The following PAPPA2 variants were observed in gnomAD, a reference collection of about 807,000 sequenced individuals.
PAPPA2 encodes pappalysin 2.
PAPPA2 carries 86 observed loss-of-function variants against 176.4 expected under a neutral mutation model. The observed-to-expected ratio is 0.49, with a 90% CI of 0.41 to 0.58. PAPPA2 has a LOEUF of 0.58. PAPPA2 is among the 20% of genes least tolerant of loss of function. PAPPA2 has a pLI of 0.00. For missense variants in PAPPA2, 2,073 were observed against 2,256.9 expected (o/e 0.92, Z 1.65); for synonymous variants, 809 against 852.2 (o/e 0.95, Z 0.88).
chr1:176,528,905 G>A (rs1016862365), intron 1 of PAPPA2, among the ~76,000 whole-genome samples: 8 of 152,162 alleles, frequency 5.3e-5, no homozygotes, highest in Non-Finnish European at 8.8e-5. Flanking sequence ...TCAAATCCTC[G>A]TGAAGCCTTC....
At chr1:176,824,861 A>G (rs965973230) in intron 21 of PAPPA2, among the ~76,000 whole-genome samples, 1 of 152,170 alleles carries the variant, frequency 6.6e-6, no homozygotes, top group African/African-American at 2.4e-5. Context: ...AAACTTGGTG[A>G]TGCATGTCTG....
intron 4 of PAPPA2, among the ~76,000 whole-genome samples, chr1:176,689,082 C>A (rs1659978060): frequency 6.6e-6 from 1 of 152,120 alleles, no homozygotes; most frequent in African/African-American, 2.4e-5. Flanking sequence ...CCAGGGGTGA[C>A]CTTGGACCCC....
At chr1:176,545,165 G>A (rs1650565893) in intron 1 of PAPPA2, among the ~76,000 whole-genome samples, 1 of 152,092 alleles carries the variant, frequency 6.6e-6, no homozygotes, top group Non-Finnish European at 1.5e-5. Flanking sequence ...CATATGGCTG[G>A]TTTCCCTTAT....
chr1:176,470,951 G>T (rs942983401), intron 1 of PAPPA2, among the ~76,000 whole-genome samples: 4 of 152,178 alleles, frequency 2.6e-5, no homozygotes, highest in Middle Eastern at 3.4e-3. Flanking sequence ...GGCTTCTCGG[G>T]TCAAATAGCA....
At chr1:176,541,635 A>AT (rs1252234422) in intron 1 of PAPPA2, among the ~76,000 whole-genome samples, 2 of 152,220 alleles carry the variant, frequency 1.3e-5, no homozygotes, top group Non-Finnish European at 2.9e-5. Context: ...TAGATGAAAA[A>AT]TGCATTTATA....
At chr1:176,525,984 G>A (rs966999512) in intron 1 of PAPPA2, among the ~76,000 whole-genome samples, 3 of 152,192 alleles carry the variant, frequency 2.0e-5, no homozygotes, top group African/African-American at 7.2e-5. Context: ...GAAGCTCCAT[G>A]CTTATGGAGG....
At chr1:176,690,792 G>A in intron 5 of PAPPA2, 1 of 1,047,844 alleles carries the variant, frequency 9.5e-7, no homozygotes, top group South Asian at 4.3e-5. Context: ...CTGAAGAAGA[G>A]TCCAATGGAA....
intron 1 of PAPPA2, among the ~76,000 whole-genome samples, chr1:176,506,315 A>G (rs1484582259): frequency 6.7e-6 from 1 of 149,920 alleles, no homozygotes; most frequent in East Asian, 1.9e-4. Context: ...TTTGCTTAGT[A>G]TTGCTTTGGC....
In PAPPA2 at chr1:176,723,097, T is replaced by G. The variant is rs12140331; in HGVS notation, c.3798+11116T>G. Among the ~76,000 whole-genome samples, 455 of 152,208 alleles carry G rather than the reference T, an allele frequency of 3.0e-3. 2 individuals carry two copies. Among genetic ancestry groups the G allele is most frequent in the Non-Finnish European group, 4.9e-3 (334 of 68,002 alleles). On this transcript the variant is annotated intron_variant, in intron 12 of 22. Transcript: ENST00000367662. ...GCATCAAAACATGGTACCAGGGTAG[T>G]AGGGCAAAAGAGAGCATGTGAGACA...
intron 1 of PAPPA2, among the ~76,000 whole-genome samples, chr1:176,507,856 A>G (rs1017132937): frequency 1.6e-4 from 24 of 152,094 alleles, no homozygotes; most frequent in African/African-American, 5.6e-4. Flanking sequence ...CCTGAGTGCA[A>G]TATACCCATG....
chr1:176,593,224 G>T (rs940417309), intron 2 of PAPPA2, among the ~76,000 whole-genome samples: 10 of 152,310 alleles, frequency 6.6e-5, no homozygotes, highest in African/African-American at 2.4e-4. Context: ...TAAAGCACTT[G>T]CCTGCCGTCA....
chr1:176,623,747 T>TTTCC (rs1208804063), intron 3 of PAPPA2, among the ~76,000 whole-genome samples: 1,538 of 85,446 alleles, frequency 0.018, 72 homozygotes, highest in East Asian at 0.027. Flanking sequence ...TTTCTCTCTC[T>TTTCC]TTCCTTCCTT....
intron 21 of PAPPA2, among the ~76,000 whole-genome samples, chr1:176,832,368 C>CT (rs1367432264): frequency 1.1e-4 from 17 of 151,858 alleles, no homozygotes; most frequent in Admixed American, 9.2e-4. Context: ...CTGTGCTCTT[C>CT]TTTTTTTTGA....
intron 14 of PAPPA2, among the ~76,000 whole-genome samples, chr1:176,747,666 A>G (rs925232553): frequency 6.6e-6 from 1 of 152,218 alleles, no homozygotes; most frequent in Non-Finnish European, 1.5e-5. Flanking sequence ...GTATAATAAT[A>G]TTACTATAAA....
At chr1:176,606,680 G>A (rs2102670977) in intron 3 of PAPPA2, among the ~76,000 whole-genome samples, 1 of 152,262 alleles carries the variant, frequency 6.6e-6, no homozygotes, top group South Asian at 2.1e-4. Context: ...GACCAGGCTG[G>A]TCTTGAAATT....
At chr1:176,782,545 A>G (rs1356769192) in intron 17 of PAPPA2, among the ~76,000 whole-genome samples, 1 of 152,190 alleles carries the variant, frequency 6.6e-6, no homozygotes, top group Non-Finnish European at 1.5e-5. Context: ...GATAAAAAAA[A>G]GAAAAGCATC....
chr1:176,675,497 A>G (rs1304465290), intron 4 of PAPPA2, among the ~76,000 whole-genome samples: 2 of 152,104 alleles, frequency 1.3e-5, no homozygotes, highest in Non-Finnish European at 2.9e-5. Context: ...AATAGATACC[A>G]GTAAGAAAAA....
At chr1:176,824,628 A>G (rs1159890662) in intron 21 of PAPPA2, among the ~76,000 whole-genome samples, 2 of 152,150 alleles carry the variant, frequency 1.3e-5, no homozygotes, top group Non-Finnish European at 2.9e-5. Context: ...TGACTCCCCA[A>G]TGTCCTCATG....
At chr1:176,634,368 C>G (rs548864691) in intron 3 of PAPPA2, among the ~76,000 whole-genome samples, 1 of 152,050 alleles carries the variant, frequency 6.6e-6, no homozygotes, top group Non-Finnish European at 1.5e-5. Flanking sequence ...CATGTTCTCA[C>G]TAATAGGTGG....
Sources: allele counts gnomAD v4.1 joint callset (sites outside exome capture counted in the v4.1 genomes callset), GRCh38; gene constraint gnomAD v4.1.1; transcripts MANE v1.5; gene names NCBI Gene and HGNC (gene_info 2026-07-23, HGNC 2026-07-21).